The following SLC25A13 variants were observed in gnomAD, a reference collection of about 807,000 sequenced individuals.
The protein encoded by SLC25A13 is solute carrier family 25 member 13.
SLC25A13 carries 70 observed loss-of-function variants against 85.5 expected under a neutral mutation model. The observed-to-expected ratio is 0.82, with a 90% CI of 0.68 to 1.00. The LOEUF (loss-of-function observed/expected upper bound fraction) is 1.00. Among genes scored for constraint, SLC25A13 ranks in the 50% least tolerant of loss-of-function variants. The pLI is 0.00. For missense variants in SLC25A13, 765 were observed against 819.8 expected, an observed-to-expected ratio of 0.93 and a Z score of 0.82; for synonymous variants, 259 against 288.7, an observed-to-expected ratio of 0.90 and a Z score of 1.04.
chr7:96,172,734 C>A (rs1413031260), intron 11 of SLC25A13, among the ~76,000 whole-genome samples: 1 of 152,016 alleles, frequency 6.6e-6, no homozygotes, highest in Non-Finnish European at 1.5e-5. Flanking sequence ...TGCTTTGAGG[C>A]CCGTACCTCA....
intron 4 of SLC25A13, among the ~76,000 whole-genome samples, chr7:96,216,908 T>A (rs1395851868): frequency 6.6e-6 from 1 of 150,524 alleles, no homozygotes; most frequent in Non-Finnish European, 1.5e-5. Flanking sequence ...TAAAAAAGTT[T>A]AAAAAAAAGA....
chr7:96,297,794 T>C (rs952277619), intron 1 of SLC25A13, among the ~76,000 whole-genome samples: 4 of 152,216 alleles, frequency 2.6e-5, no homozygotes, highest in Non-Finnish European at 5.9e-5. Context: ...TAATAAATCA[T>C]AGGTCTCCAA....
intron 15 of SLC25A13, among the ~76,000 whole-genome samples, chr7:96,123,532 G>A (rs1314163822): frequency 6.6e-6 from 1 of 152,168 alleles, no homozygotes; most frequent in African/African-American, 2.4e-5. Flanking sequence ...AGGTACTGGG[G>A]GTGAAGGAAG....
chr7:96,152,164 T>G (rs1793076724), intron 13 of SLC25A13, among the ~76,000 whole-genome samples: 2 of 152,102 alleles, frequency 1.3e-5, no homozygotes, highest in Admixed American at 1.3e-4. Context: ...AGAAGGTGGC[T>G]GAAAATAAGA....
chr7:96,277,166 A>G (rs1351123982), intron 3 of SLC25A13, 30 bp downstream of exon 3: 21 of 1,529,294 alleles, frequency 1.4e-5, no homozygotes, highest in Non-Finnish European at 1.8e-5. Context: ...AACAAAAAGA[A>G]TTAAATAAAA....
At chr7:96,285,326 G>A (rs1255941891) in intron 2 of SLC25A13, among the ~76,000 whole-genome samples, 3 of 152,048 alleles carry the variant, frequency 2.0e-5, no homozygotes, top group Admixed American at 6.6e-5. Flanking sequence ...AAAAAACCTC[G>A]AATGCTTCCT....
At chr7:96,192,684 ATT>A (rs5885944) in intron 6 of SLC25A13, among the ~76,000 whole-genome samples, 70,750 of 143,468 alleles carry the variant, frequency 0.49, 17,316 homozygotes, top group Non-Finnish European at 0.56. Context: ...CATGTGCACT[ATT>A]TTTTTTTTTT....
chr7:96,200,379 T>G (rs1485714458), intron 5 of SLC25A13, among the ~76,000 whole-genome samples: 1 of 152,250 alleles, frequency 6.6e-6, no homozygotes, highest in Non-Finnish European at 1.5e-5. Context: ...GGTTTGCATA[T>G]AAATATCCAC....
At chr7:96,137,543 TAC>T (rs1331553090) in intron 14 of SLC25A13, among the ~76,000 whole-genome samples, 1 of 152,198 alleles carries the variant, frequency 6.6e-6, no homozygotes, top group Non-Finnish European at 1.5e-5. Flanking sequence ...CTAGACATGG[TAC>T]AGAGGAATGT....
intron 2 of SLC25A13, among the ~76,000 whole-genome samples, chr7:96,294,897 C>T (rs1171747333): frequency 6.6e-6 from 1 of 152,090 alleles, no homozygotes; most frequent in Admixed American, 6.5e-5. Flanking sequence ...CAAAACTATC[C>T]CTGCTTTTAA....
At chr7:96,227,101 T>A (rs1796352835) in intron 4 of SLC25A13, among the ~76,000 whole-genome samples, 1 of 152,240 alleles carries the variant, frequency 6.6e-6, no homozygotes, top group African/African-American at 2.4e-5. Context: ...AAAATTCAGC[T>A]CACGTTTCTA....
intron 3 of SLC25A13, among the ~76,000 whole-genome samples, chr7:96,236,088 T>TA (rs1379109858): frequency 1.3e-5 from 2 of 152,296 alleles, no homozygotes; most frequent in African/African-American, 4.8e-5. Flanking sequence ...CACATTTTTA[T>TA]AAAAACTGTT....
At chr7:96,251,232 T>C (rs1316359876) in intron 3 of SLC25A13, among the ~76,000 whole-genome samples, 1 of 151,902 alleles carries the variant, frequency 6.6e-6, no homozygotes, top group Admixed American at 6.6e-5. Flanking sequence ...AGAAGACCAA[T>C]GTCACCAGAA....
At chr7:96,162,949 A>G (rs1243254425) in intron 13 of SLC25A13, among the ~76,000 whole-genome samples, 1 of 152,174 alleles carries the variant, frequency 6.6e-6, no homozygotes, top group Non-Finnish European at 1.5e-5. Context: ...GAAGCAATCT[A>G]GAGAATGAAT....
chr7:96,271,317 CTG>C (rs1363791433), intron 3 of SLC25A13, among the ~76,000 whole-genome samples: 3 of 152,130 alleles, frequency 2.0e-5, no homozygotes, highest in Non-Finnish European at 2.9e-5. Context: ...AACTAACACT[CTG>C]TATCTAATAT....
At chr7:96,223,323 C>T (rs188263483) in intron 4 of SLC25A13, among the ~76,000 whole-genome samples, 8 of 152,296 alleles carry the variant, frequency 5.3e-5, no homozygotes, top group Non-Finnish European at 1.0e-4. Context: ...TTCATGAAAT[C>T]TTGTTCAGTG....
At chr7:96,295,167 A>T (rs865959496) in intron 2 of SLC25A13, among the ~76,000 whole-genome samples, 10 of 152,224 alleles carry the variant, frequency 6.6e-5, no homozygotes, top group Middle Eastern at 3.4e-3. Context: ...AACCAGCCTG[A>T]TCAACATGGT....
intron 4 of SLC25A13, 92 bp from the exon 5 acceptor site, chr7:96,209,069 TA>T (rs1795583016): frequency 1.3e-5 from 16 of 1,267,718 alleles, no homozygotes; most frequent in Non-Finnish European, 1.7e-5. Context: ...TTTTTCTTAT[TA>T]AAAAAAGTAA....
intron 13 of SLC25A13, among the ~76,000 whole-genome samples, chr7:96,152,960 C>T (rs1228629597): frequency 6.6e-6 from 1 of 152,114 alleles, no homozygotes; most frequent in East Asian, 1.9e-4. Flanking sequence ...GAGAAAATGA[C>T]AGTAGTTTAT....
Sources: gnomAD v4.1 joint callset for allele counts (sites outside exome capture counted in the v4.1 genomes callset) on GRCh38, gnomAD v4.1.1 for gene constraint, MANE v1.5 for transcripts, NCBI Gene and HGNC (gene_info 2026-07-23, HGNC 2026-07-21) for gene names.